FBXL13: variants seen among roughly 807,000 people sequenced by gnomAD.
The protein encoded by FBXL13 is F-box and leucine-rich repeat protein 13.
FBXL13 carries 67 observed loss-of-function variants against 83.6 expected under a neutral mutation model. That is an observed-to-expected ratio of 0.80 (90% CI 0.66 to 0.98). FBXL13 has a LOEUF of 0.98. Ranked by LOEUF, FBXL13 falls within the 50% of genes least tolerant of loss-of-function variation. The pLI, the probability that FBXL13 is intolerant of heterozygous loss-of-function variation, is 0.00. For synonymous variants in FBXL13, 272 were observed against 299.5 expected (o/e 0.91, Z 0.95); for missense variants, 822 against 866.5 (o/e 0.95, Z 0.64).
intron 6 of FBXL13, among the ~76,000 whole-genome samples, chr7:103,018,621 G>A (rs1348566593): frequency 6.6e-6 from 1 of 152,036 alleles, no homozygotes; most frequent in Non-Finnish European, 1.5e-5. Context: ...ATAAAGGGAT[G>A]GAGGAAGATC....
intron 16 of FBXL13, among the ~76,000 whole-genome samples, chr7:102,860,355 G>A (rs927739426): frequency 1.3e-5 from 2 of 152,180 alleles, no homozygotes; most frequent in Non-Finnish European, 2.9e-5. Flanking sequence ...GTTTCACAGA[G>A]GAAGGAGATT....
chr7:102,926,196 C>T, intron 10 of FBXL13, 78 bp downstream of exon 11: 2 of 1,240,448 alleles, frequency 1.6e-6, no homozygotes, highest in East Asian at 2.5e-5. Context: ...GAGCACTGCC[C>T]TTGCAGAATG....
chr7:102,823,489 C>T (rs545426651), intron 18 of FBXL13, among the ~76,000 whole-genome samples: 20 of 152,256 alleles, frequency 1.3e-4, no homozygotes, highest in South Asian at 6.2e-4. Flanking sequence ...ACACAAATCC[C>T]GCTCTGAAAT....
chr7:102,963,474 A>AT, intron 8 of FBXL13, 59 bp downstream of exon 9: 1 of 1,584,500 alleles, frequency 6.3e-7, no homozygotes, highest in Non-Finnish European at 8.6e-7. Context: ...GCTTTTCTGT[A>AT]TATTTGTTTA....
chr7:102,943,931 TG>T (rs1000609223), intron 8 of FBXL13, among the ~76,000 whole-genome samples: 3 of 152,182 alleles, frequency 2.0e-5, no homozygotes, highest in African/African-American at 7.2e-5. Flanking sequence ...CCACCAGAGC[TG>T]GGAGATGTCC....
intron 1 of FBXL13, among the ~76,000 whole-genome samples, chr7:103,071,551 CTTTTTTT>C (rs774310534): frequency 2.4e-5 from 3 of 126,208 alleles, no homozygotes; most frequent in African/African-American, 8.8e-5. Context: ...GACAAGTTAG[CTTTTTTT>C]TTTTTTTTTT....
intron 11 of FBXL13, among the ~76,000 whole-genome samples, chr7:102,910,878 C>G (rs1047258993): frequency 1.3e-5 from 2 of 152,182 alleles, no homozygotes; most frequent in African/African-American, 2.4e-5. Flanking sequence ...CCCACCTCAG[C>G]CTCCCAGGCA....
At chr7:102,939,442 T>G in intron 8 of FBXL13, 1 of 1,605,116 alleles carries the variant, frequency 6.2e-7, no homozygotes, top group South Asian at 1.1e-5. Context: ...TTGAAAAAAG[T>G]GCCAAACAAC....
intron 6 of FBXL13, among the ~76,000 whole-genome samples, chr7:103,017,367 G>C (rs1282464633): frequency 6.6e-6 from 1 of 151,940 alleles, no homozygotes; most frequent in Non-Finnish European, 1.5e-5. Flanking sequence ...AAACCACAAA[G>C]ACGGGGAAAA....
intron 8 of FBXL13, among the ~76,000 whole-genome samples, chr7:102,954,493 A>G (rs1823934652): frequency 1.3e-5 from 2 of 152,230 alleles, no homozygotes; most frequent in Non-Finnish European, 2.9e-5. Context: ...ATTAACAGGC[A>G]AAACAAACAG....
At chr7:102,941,564 A>G (rs1362872202) in intron 8 of FBXL13, among the ~76,000 whole-genome samples, 1 of 152,168 alleles carries the variant, frequency 6.6e-6, no homozygotes, top group Non-Finnish European at 1.5e-5. Flanking sequence ...TGTCTTGATA[A>G]ATAGACTCTG....
intron 17 of FBXL13, among the ~76,000 whole-genome samples, chr7:102,848,931 C>T (rs763103660): frequency 2.6e-5 from 4 of 151,958 alleles, no homozygotes; most frequent in South Asian, 2.1e-4. Context: ...ACCCAGGATG[C>T]GGAGGTTGCA....
rs1791245666 is a variant in FBXL13, at chr7:103,008,654, T to C, written c.495+16409A>G. Among the ~76,000 whole-genome samples the C allele has an allele frequency of 2.0e-5, 3 of 151,936 alleles. 1 individual carries two copies. The highest frequency in any genetic ancestry group is 6.6e-5 in the Admixed American group (1 of 15,250). ...CTCACTGCAATCTCCGCCTCCAGGGTTCAAGAGATTCTCCTGCCTCAGCCT... is the reference window on the plus strand; with the variant it reads ...CTCACTGCAATCTCCGCCTCCAGGGCTCAAGAGATTCTCCTGCCTCAGCCT... On this transcript the variant is annotated intron_variant, in intron 6 of 19. Coordinates refer to ENST00000313221, the Ensembl canonical transcript of FBXL13.
chr7:102,957,226 C>T (rs1261994081), intron 8 of FBXL13, among the ~76,000 whole-genome samples: 1 of 152,116 alleles, frequency 6.6e-6, no homozygotes. Context: ...TCAGAAATAA[C>T]ACCACATATC....
intron 6 of FBXL13, among the ~76,000 whole-genome samples, chr7:103,020,588 C>G (rs148076166): frequency 6.6e-6 from 1 of 152,168 alleles, no homozygotes; most frequent in Non-Finnish European, 1.5e-5. Context: ...AAAACCCCAT[C>G]GTCTCAGCCC....
At chr7:102,925,421 G>A (rs767155100) in intron 10 of FBXL13, among the ~76,000 whole-genome samples, 9 of 152,062 alleles carry the variant, frequency 5.9e-5, no homozygotes. Flanking sequence ...AAAAATTTTT[G>A]ATAAATTTGA....
intron 16 of FBXL13, among the ~76,000 whole-genome samples, chr7:102,864,403 T>C (rs1379983612): frequency 6.6e-6 from 1 of 151,866 alleles, no homozygotes; most frequent in Non-Finnish European, 1.5e-5. Context: ...AGTCTTCCTC[T>C]TGTCGCCCAG....
intron 10 of FBXL13, among the ~76,000 whole-genome samples, chr7:102,917,150 A>G (rs541168022): frequency 1.9e-4 from 29 of 152,332 alleles, no homozygotes; most frequent in African/African-American, 6.7e-4. Context: ...CAGAAAACCT[A>G]AATGGAGTGA....
intron 2 of FBXL13, among the ~76,000 whole-genome samples, chr7:103,040,695 G>T (rs1028243609): frequency 2.0e-5 from 3 of 152,144 alleles, no homozygotes; most frequent in African/African-American, 7.2e-5. Flanking sequence ...CAACTACATG[G>T]AAACTGAACA....
Sources: allele counts gnomAD v4.1 joint callset (sites outside exome capture counted in the v4.1 genomes callset), GRCh38; gene constraint gnomAD v4.1.1; transcripts MANE v1.5; gene names NCBI Gene and HGNC (gene_info 2026-07-23, HGNC 2026-07-21).